Variants in RGS7 observed in about 807,000 individuals in gnomAD.
The protein encoded by RGS7 is regulator of G protein signaling 7.
RGS7 carries 27 observed loss-of-function variants against 81.1 expected under a neutral mutation model. That is an observed-to-expected ratio of 0.33 (90% CI 0.25 to 0.46). The LOEUF (loss-of-function observed/expected upper bound fraction) is 0.46. Among genes scored for constraint, RGS7 ranks in the 20% least tolerant of loss-of-function variants. RGS7 has a pLI of 1.00. For missense variants in RGS7, 396 were observed against 607.4 expected, an observed-to-expected ratio of 0.65 and a Z score of 3.66; for synonymous variants, 208 against 207.7, an observed-to-expected ratio of 1.00 and a Z score of -0.01.
intron 2 of RGS7, among the ~76,000 whole-genome samples, chr1:241,306,570 CCA>C (rs772709262): frequency 1.3e-5 from 2 of 150,730 alleles, no homozygotes; most frequent in Non-Finnish European, 3.0e-5. Context: ...ACACATATGT[CCA>C]CACACGTACA....
intron 6 of RGS7, among the ~76,000 whole-genome samples, chr1:240,872,937 A>G (rs1409604367): frequency 6.6e-6 from 1 of 151,952 alleles, no homozygotes; most frequent in Non-Finnish European, 1.5e-5. Flanking sequence ...AAATTAGCCA[A>G]GCATGGTGGC....
At chr1:240,950,039 G>T (rs1254838076) in intron 4 of RGS7, among the ~76,000 whole-genome samples, 1 of 152,064 alleles carries the variant, frequency 6.6e-6, no homozygotes, top group Non-Finnish European at 1.5e-5. Context: ...GCATAGACAG[G>T]CTCATCCAGA....
intron 2 of RGS7, among the ~76,000 whole-genome samples, chr1:241,128,251 TG>T: frequency 6.9e-6 from 1 of 145,496 alleles, no homozygotes; most frequent in Non-Finnish European, 1.5e-5. Flanking sequence ...CACTCCAGCC[TG>T]GGCCACAGAG....
At chr1:241,176,681 C>T (rs1169099270) in intron 2 of RGS7, among the ~76,000 whole-genome samples, 1 of 152,050 alleles carries the variant, frequency 6.6e-6, no homozygotes, top group Non-Finnish European at 1.5e-5. Flanking sequence ...GCAGTCACCC[C>T]CATTACAGGA....
intron 4 of RGS7, among the ~76,000 whole-genome samples, chr1:240,965,026 G>A (rs1359085894): frequency 1.3e-5 from 2 of 152,164 alleles, no homozygotes; most frequent in Admixed American, 1.3e-4. Flanking sequence ...CTAATTAGAT[G>A]TTTCAACTTC....
At chr1:241,192,206 GTT>G (rs60157150) in intron 2 of RGS7, among the ~76,000 whole-genome samples, 7 of 135,244 alleles carry the variant, frequency 5.2e-5, no homozygotes, top group African/African-American at 1.4e-4. Context: ...GTGTGTGTGT[GTT>G]TTGCTTTGAT....
At chr1:240,995,523 T>C (rs1277201535) in intron 3 of RGS7, among the ~76,000 whole-genome samples, 1 of 152,216 alleles carries the variant, frequency 6.6e-6, no homozygotes, top group Non-Finnish European at 1.5e-5. Context: ...GATTGCGCTA[T>C]TCAAATTATC....
intron 3 of RGS7, among the ~76,000 whole-genome samples, chr1:241,055,454 A>G (rs1377355252): frequency 1.3e-5 from 2 of 152,222 alleles, no homozygotes; most frequent in African/African-American, 4.8e-5. Context: ...TACAAAGGAT[A>G]CAGATGAACA....
chr1:241,282,629 G>A (rs1009732410), intron 2 of RGS7, among the ~76,000 whole-genome samples: 2 of 152,172 alleles, frequency 1.3e-5, no homozygotes, highest in South Asian at 4.1e-4. Flanking sequence ...GATAGACATA[G>A]TTGCCTTGTT....
intron 2 of RGS7, among the ~76,000 whole-genome samples, chr1:241,215,031 T>G (rs2147947913): frequency 6.6e-6 from 1 of 152,308 alleles, no homozygotes; most frequent in South Asian, 2.1e-4. Flanking sequence ...GTAAAATTAT[T>G]TTTTCTTGAC....
chr1:240,895,226 G>A (rs1050662494), intron 6 of RGS7, among the ~76,000 whole-genome samples: 1 of 152,076 alleles, frequency 6.6e-6, no homozygotes, highest in Non-Finnish European at 1.5e-5. Context: ...TGAACAGCCT[G>A]CAGAACCATG....
At chr1:240,841,820 C>T (rs1658054743) in intron 9 of RGS7, among the ~76,000 whole-genome samples, 1 of 152,160 alleles carries the variant, frequency 6.6e-6, no homozygotes, top group African/African-American at 2.4e-5. Context: ...CCATCTGCAT[C>T]ACACTTGAAA....
chr1:240,970,507 C>A (rs1325887446), intron 4 of RGS7, among the ~76,000 whole-genome samples: 1 of 151,928 alleles, frequency 6.6e-6, no homozygotes, highest in Non-Finnish European at 1.5e-5. Context: ...GTGTGGCTAG[C>A]TTCTAGGTTA....
chr1:240,919,878 C>T (rs1673217803), intron 6 of RGS7: 1 of 981,684 alleles, frequency 1.0e-6, no homozygotes, highest in Non-Finnish European at 1.6e-6. Context: ...TGGAAGGCCA[C>T]ACAAGGTGGA....
At chr1:240,968,642 A>G (rs1041201280) in intron 4 of RGS7, among the ~76,000 whole-genome samples, 1 of 152,192 alleles carries the variant, frequency 6.6e-6, no homozygotes, top group Non-Finnish European at 1.5e-5. Flanking sequence ...AGATGTTACA[A>G]TTGAGGTTTT....
intron 3 of RGS7, among the ~76,000 whole-genome samples, chr1:241,097,051 T>C (rs1572675616): frequency 6.6e-6 from 1 of 152,184 alleles, no homozygotes; most frequent in Non-Finnish European, 1.5e-5. Context: ...GCTTAAGGTT[T>C]AGCTAGGGAC....
chr1:241,321,696 T>C (rs564782131), intron 2 of RGS7, among the ~76,000 whole-genome samples: 2 of 152,304 alleles, frequency 1.3e-5, no homozygotes, highest in South Asian at 4.1e-4. Context: ...CCTTAAAGAA[T>C]AAACTGCACC....
intron 2 of RGS7, among the ~76,000 whole-genome samples, chr1:241,146,987 T>C (rs192744266): frequency 1.3e-5 from 2 of 152,300 alleles, no homozygotes; most frequent in African/African-American, 4.8e-5. Context: ...CATGTGAATT[T>C]TGGGGACGTA....
intron 3 of RGS7, among the ~76,000 whole-genome samples, chr1:241,090,424 T>A (rs2063801075): frequency 6.6e-6 from 1 of 152,150 alleles, no homozygotes; most frequent in Non-Finnish European, 1.5e-5. Flanking sequence ...ATGTGCAGTT[T>A]GAGACTTCTT....
Sources: gnomAD v4.1 joint callset for allele counts (sites outside exome capture counted in the v4.1 genomes callset) on GRCh38, gnomAD v4.1.1 for gene constraint, MANE v1.5 for transcripts, NCBI Gene and HGNC (gene_info 2026-07-23, HGNC 2026-07-21) for gene names.